Variants in RIC1 observed in about 807,000 individuals in gnomAD.
RIC1 encodes guanine nucleotide exchange factor subunit RIC1.
RIC1 carries 88 observed loss-of-function variants against 169.0 expected under a neutral mutation model. That is an observed-to-expected ratio of 0.52 (90% confidence interval 0.44 to 0.62). The LOEUF (loss-of-function observed/expected upper bound fraction) is 0.62. Among genes scored for constraint, RIC1 ranks in the 20% least tolerant of loss-of-function variants. The pLI is 0.00. For missense variants in RIC1, 1,877 were observed against 1,725.5 expected (o/e 1.09, Z -1.56); for synonymous variants, 790 against 601.5 (o/e 1.31, Z -4.59).
chr9:5,652,482 T>G (rs1043354392), intron 1 of RIC1, among the ~76,000 whole-genome samples: 2 of 152,184 alleles, frequency 1.3e-5, no homozygotes, highest in South Asian at 4.1e-4. Flanking sequence ...TGGGATTGTT[T>G]TGTTGATTTC....
intron 2 of RIC1, among the ~76,000 whole-genome samples, chr9:5,681,985 G>C (rs1820873712): frequency 6.6e-6 from 1 of 152,078 alleles, no homozygotes; most frequent in South Asian, 2.1e-4. Context: ...TGCAACCCCT[G>C]CCTTTTTTTG....
At chr9:5,700,351 G>T in intron 3 of RIC1, among the ~76,000 whole-genome samples, 1 of 151,668 alleles carries the variant, frequency 6.6e-6, no homozygotes, top group East Asian at 1.9e-4. Context: ...ATTTCTTTTT[G>T]TTCATTTGTG....
chr9:5,733,702 C>T (rs1333813334), intron 7 of RIC1, among the ~76,000 whole-genome samples: 2 of 151,956 alleles, frequency 1.3e-5, no homozygotes, highest in Non-Finnish European at 2.9e-5. Flanking sequence ...TGTAGAAATA[C>T]GAGTAAGTTT....
chr9:5,755,918 G>A lies in RIC1; in HGVS notation c.1693-294G>A, dbSNP rs542598983. Among the ~76,000 whole-genome samples, 23 of 134,742 alleles carry A rather than the reference G, an allele frequency of 1.7e-4. No individual in the cohort carries two copies. In the South Asian group the frequency reaches 1.9e-3, roughly 11 times the overall value. The allele number at this position is 134,742 out of a possible 152,430, so 88.4% of individuals were successfully genotyped here. A position where few individuals can be genotyped will look rare whatever the true frequency, so the allele number is the denominator to read the frequency against. The stretch of plus-strand genomic sequence containing the variant: ...AGCCTGGGCAACAGAGTGAGACCCC[G>A]TCTTTAAATAAATAAATAAATAAAT... On this transcript the variant is annotated intron_variant, in intron 15 of 25. Transcript: ENST00000414202.
intron 8 of RIC1, 41 bp from the exon 9 acceptor site, chr9:5,742,828 G>T: frequency 7.0e-7 from 1 of 1,431,564 alleles, no homozygotes; most frequent in Non-Finnish European, 9.5e-7. Flanking sequence ...TATTTCTGAA[G>T]CAACTATTTA....
intron 3 of RIC1, among the ~76,000 whole-genome samples, chr9:5,691,055 C>T (rs1434625918): frequency 6.6e-6 from 1 of 151,912 alleles, no homozygotes; most frequent in Non-Finnish European, 1.5e-5. Flanking sequence ...TTGTGTTGCA[C>T]ACTTCTGATA....
In RIC1 at chr9:5,660,854, G is replaced by A. The variant is rs766032775; in HGVS notation, c.252+4164G>A. ...TTGCTGTGCAGAAGCTCTTCAGTTCGATTAGATCCCATTTGTCAATTTTTG... is the reference window on the plus strand; with the variant it reads ...TTGCTGTGCAGAAGCTCTTCAGTTCAATTAGATCCCATTTGTCAATTTTTG... On this transcript the variant is annotated intron_variant, in intron 2 of 25. Coordinates refer to ENST00000414202, the MANE Select transcript of RIC1 (RefSeq NM_020829.4). Among the ~76,000 whole-genome samples the A allele has an allele frequency of 9.2e-5, 14 of 152,190 alleles. 1 individual carries two copies. The highest frequency in any genetic ancestry group is 6.8e-3 in the Middle Eastern group (2 of 294).
Position 5,753,360 on chromosome 9 carries a change from T to C in RIC1, c.1491+122T>C, listed in dbSNP as rs893329566. ...TAAAACTCTTGATCTATTGTAACAT[T>C]GCTAGTATATTAACATCTATAATTT... On this transcript the variant is annotated intron_variant, in intron 13 of 25. Coordinates refer to ENST00000414202, the MANE Select transcript of RIC1 (RefSeq NM_020829.4). 7.6e-6 allele frequency: 7 copies of C among 920,636 alleles called. No individual in the cohort carries two copies. The Admixed American group carries it at 1.4e-4, about 18-fold the overall frequency. The allele number at this position is 920,636 out of a possible 1,614,324, so 57.0% of individuals were successfully genotyped here. A position where few individuals can be genotyped will look rare whatever the true frequency, so the allele number is the denominator to read the frequency against.
At chr9:5,730,951 G>C (rs1824337324) in intron 6 of RIC1, among the ~76,000 whole-genome samples, 1 of 151,980 alleles carries the variant, frequency 6.6e-6, no homozygotes, top group Non-Finnish European at 1.5e-5. Context: ...GCTGGTCTTT[G>C]AGCATGCCAG....
At chr9:5,748,688 GCC>G (rs1825536238) in intron 12 of RIC1, 1 of 152,594 alleles carries the variant, frequency 6.6e-6, no homozygotes, top group Admixed American at 6.5e-5. Context: ...TTACCAGAGA[GCC>G]AAGTAGAGCA....
chr9:5,660,659 A>T (rs1453935029), intron 2 of RIC1, among the ~76,000 whole-genome samples: 1 of 151,872 alleles, frequency 6.6e-6, no homozygotes, highest in African/African-American at 2.4e-5. Context: ...TTCTTTTGAG[A>T]AGTGTCTGTT....
Position 5,763,193 on chromosome 9 carries a change from A to G in RIC1, c.2166A>G (p.Thr722=), listed in dbSNP as rs139712932. The G allele has an allele frequency of 6.2e-7, 1 of 1,614,068 alleles. No homozygotes were observed. Among genetic ancestry groups the G allele is most frequent in the African/African-American group, 1.3e-5 (1 of 75,016 alleles). The change falls in exon 19 of 26, where the codon ACA becomes ACG. Residue 722 remains threonine (T), a synonymous_variant. Transcript: ENST00000414202. The surrounding 1 kb of genome is among the most constrained non-coding windows in gnomAD (Gnocchi z 5.2). The part of the protein sequence containing the change: ...VLAQSVENVW[T]TCRANKQKRH... ...CCCAGTCTGTTGAAAATGTCTGGAC[A>G]ACGTGTCGAGCAAATAAACAGAAAC...
intron 8 of RIC1, among the ~76,000 whole-genome samples, chr9:5,738,875 C>T (rs925323484): frequency 3.3e-5 from 5 of 152,134 alleles, no homozygotes; most frequent in African/African-American, 1.2e-4. Context: ...ATTCTGATTG[C>T]TGCTTTGCTT....
chr9:5,696,642 T>TA (rs1333688135), intron 3 of RIC1, among the ~76,000 whole-genome samples: 3 of 152,162 alleles, frequency 2.0e-5, no homozygotes, highest in Non-Finnish European at 2.9e-5. Context: ...AGATAAAAAG[T>TA]AAAAAAATGT....
intron 2 of RIC1, among the ~76,000 whole-genome samples, chr9:5,677,583 T>A (rs528477936): frequency 1.3e-5 from 2 of 150,098 alleles, no homozygotes; most frequent in African/African-American, 5.1e-5. Flanking sequence ...TTACTCTAGA[T>A]ATATAATAAT....
At chr9:5,762,463 A>G in intron 17 of RIC1, 78 bp from the exon 18 acceptor site, 2 of 1,544,038 alleles carry the variant, frequency 1.3e-6, no homozygotes, top group Non-Finnish European at 1.8e-6. Context: ...TGACCTATAA[A>G]CCTTATGGAT....
At chr9:5,773,440 C>T (rs1827366701) in intron 25 of RIC1, among the ~76,000 whole-genome samples, 1 of 152,126 alleles carries the variant, frequency 6.6e-6, no homozygotes, top group Non-Finnish European at 1.5e-5. Context: ...TGAAAAGATT[C>T]AAACTTAAGG....
intron 3 of RIC1, among the ~76,000 whole-genome samples, chr9:5,701,775 A>G (rs1158003122): frequency 6.6e-6 from 1 of 152,160 alleles, no homozygotes; most frequent in African/African-American, 2.4e-5. Flanking sequence ...TCTTCCAAAC[A>G]ATTTTGCTTT....
chr9:5,716,771 T>G (rs1037802954), intron 4 of RIC1, among the ~76,000 whole-genome samples: 1 of 152,208 alleles, frequency 6.6e-6, no homozygotes, highest in South Asian at 2.1e-4. Flanking sequence ...TTAGGTGACT[T>G]GGGGCAAGGT....
Sources: allele counts gnomAD v4.1 joint callset (sites outside exome capture counted in the v4.1 genomes callset), GRCh38; gene constraint gnomAD v4.1.1; non-coding constraint Gnocchi (gnomAD v3.1); transcripts MANE v1.5; gene names NCBI Gene and HGNC (gene_info 2026-07-23, HGNC 2026-07-21).